GREB1L: variants seen among roughly 807,000 people sequenced by gnomAD.
The protein encoded by GREB1L is GREB1 like retinoic acid receptor coactivator.
Under a neutral mutation model 200.8 loss-of-function variants are expected in GREB1L, and 17 were observed. The observed-to-expected ratio is 0.08, with a 90% CI of 0.06 to 0.13. The LOEUF is 0.13. GREB1L is among the 10% of genes least tolerant of loss of function. GREB1L has a pLI of 1.00. For synonymous variants in GREB1L, 789 were observed against 893.0 expected, an observed-to-expected ratio of 0.88 and a Z score of 2.08; for missense variants, 1,657 against 2,367.7, an observed-to-expected ratio of 0.70 and a Z score of 6.23.
At chr18:21,517,885 G>T in intron 30 of GREB1L, 149 bp from the exon 31 acceptor site, 1 of 633,338 alleles carries the variant, frequency 1.6e-6, no homozygotes, top group Non-Finnish European at 2.7e-6. Flanking sequence ...AAATTTTCAG[G>T]ACCCTTTACT....
At position 21,318,086 on chromosome 18, in the gene GREB1L, C is replaced by A. The variant is rs189741832; in HGVS notation, c.-119-47941C>A. The stretch of plus-strand genomic sequence containing the variant: ...TCATGCCACTGCACTCCAGCCTGGG[C>A]AACAGAGTGAGATTCCGTCAAAAAA... On this transcript the variant is annotated intron_variant, in intron 1 of 32. Transcript: ENST00000424526. 1.9e-4 allele frequency among the ~76,000 whole-genome samples: 23 copies of A among 119,112 alleles called. 1 individual carries two copies. The East Asian group carries it at 5.6e-3, about 29-fold the overall frequency. The allele number at this position is 119,112 out of a possible 152,430, so 78.1% of individuals were successfully genotyped here. A position where few individuals can be genotyped will look rare whatever the true frequency, so the allele number is the denominator to read the frequency against.
At chr18:21,431,596 T>C (rs980209742) in intron 7 of GREB1L, among the ~76,000 whole-genome samples, 1 of 152,220 alleles carries the variant, frequency 6.6e-6, no homozygotes, top group African/African-American at 2.4e-5. Flanking sequence ...ATTCTGCTTT[T>C]GTTGGTGAAT....
intron 24 of GREB1L, 113 bp from the exon 25 acceptor site, chr18:21,505,697 C>T: frequency 7.2e-7 from 1 of 1,398,450 alleles, no homozygotes; most frequent in Non-Finnish European, 9.7e-7. Flanking sequence ...TTTCTTAGGG[C>T]ATAAATTACA....
intron 31 of GREB1L, among the ~76,000 whole-genome samples, 170 bp downstream of exon 31, chr18:21,518,404 C>G (rs2037498445): frequency 6.6e-6 from 1 of 152,212 alleles, no homozygotes; most frequent in African/African-American, 2.4e-5. Flanking sequence ...ACTTGTATTT[C>G]TACCCTTTTG....
At chr18:21,361,056 T>A (rs748386210) in intron 1 of GREB1L, among the ~76,000 whole-genome samples, 1 of 152,214 alleles carries the variant, frequency 6.6e-6, no homozygotes, top group Non-Finnish European at 1.5e-5. Context: ...GTCTGTGACC[T>A]ATGAAATCTC....
intron 1 of GREB1L, among the ~76,000 whole-genome samples, chr18:21,266,601 T>C (rs2037971777): frequency 6.6e-6 from 1 of 152,216 alleles, no homozygotes; most frequent in Non-Finnish European, 1.5e-5. Flanking sequence ...GTGCCTACTA[T>C]TTCTTTTAAA....
At chr18:21,379,606 G>C (rs1417210234) in intron 2 of GREB1L, among the ~76,000 whole-genome samples, 1 of 152,214 alleles carries the variant, frequency 6.6e-6, no homozygotes, top group East Asian at 1.9e-4. Flanking sequence ...GAAAAAGGCT[G>C]AAAGTTCACT....
At chr18:21,447,432 T>A (rs935598288) in intron 11 of GREB1L, among the ~76,000 whole-genome samples, 11 of 152,240 alleles carry the variant, frequency 7.2e-5, no homozygotes, top group African/African-American at 2.4e-4. Context: ...TGATTCCTAA[T>A]TGTACATCAG....
chr18:21,494,208 C>T (rs2036456104), intron 19 of GREB1L, among the ~76,000 whole-genome samples: 1 of 152,094 alleles, frequency 6.6e-6, no homozygotes, highest in African/African-American at 2.4e-5. Context: ...TTCTAAAACA[C>T]GGGAAGTCTG....
chr18:21,360,217 TTTA>T (rs925758357), intron 1 of GREB1L, among the ~76,000 whole-genome samples: 8 of 152,208 alleles, frequency 5.3e-5, no homozygotes, highest in East Asian at 1.9e-4. Flanking sequence ...TTGTTTTTGT[TTTA>T]TTATTATTAT....
chr18:21,516,534 C>T, intron 29 of GREB1L, 79 bp from the exon 30 acceptor site: 2 of 1,350,252 alleles, frequency 1.5e-6, no homozygotes, highest in Non-Finnish European at 2.0e-6. Flanking sequence ...TATCTTGCCA[C>T]ACATTTATTT....
intron 30 of GREB1L, 25 bp downstream of exon 30, chr18:21,516,779 G>C (rs2037433092): frequency 1.3e-6 from 2 of 1,543,800 alleles, no homozygotes; most frequent in South Asian, 1.2e-5. Flanking sequence ...CTTGATTCAA[G>C]TGCTGAAAAT....
chr18:21,508,090 T>A (rs1392599061), intron 25 of GREB1L, 28 bp from the exon 26 acceptor site: 2 of 1,548,430 alleles, frequency 1.3e-6, no homozygotes, highest in South Asian at 2.4e-5. Flanking sequence ...TTACTTACGT[T>A]CCCTCCCTTT....
At chr18:21,320,404 A>G (rs1304970121) in intron 1 of GREB1L, among the ~76,000 whole-genome samples, 3 of 152,202 alleles carry the variant, frequency 2.0e-5, no homozygotes, top group African/African-American at 7.2e-5. Context: ...ACAAGAGCTC[A>G]GGGACTATAT....
rs974342994 is a variant in GREB1L at position 21,524,413 on chromosome 18, A to G, written c.*1592A>G. ...TTAACCCCATTTTTAATTGTCCTTCAAAGAGGACCTGCCTTATATATGCTT... is the reference window on the plus strand; with the variant it reads ...TTAACCCCATTTTTAATTGTCCTTCGAAGAGGACCTGCCTTATATATGCTT... On this transcript the variant is annotated 3_prime_UTR_variant, in exon 33 of 33. Coordinates refer to ENST00000424526, the MANE Select transcript of GREB1L (RefSeq NM_001142966.3). 1.3e-5 allele frequency: 2 copies of G among 152,226 alleles called. No individual in the cohort carries two copies. The highest frequency in any genetic ancestry group is 4.1e-4 in the South Asian group (2 of 4,838). The allele number at this position is 152,226 out of a possible 1,614,324, so 9.4% of individuals were successfully genotyped here. A position where few individuals can be genotyped will look rare whatever the true frequency, so the allele number is the denominator to read the frequency against.
At chr18:21,397,114 A>AGC (rs2041098642) in intron 5 of GREB1L, among the ~76,000 whole-genome samples, 2 of 152,204 alleles carry the variant, frequency 1.3e-5, no homozygotes, top group Non-Finnish European at 2.9e-5. Context: ...GCTTTATAGA[A>AGC]GTTCCTTAAA....
intron 1 of GREB1L, among the ~76,000 whole-genome samples, chr18:21,272,100 T>C (rs375565130): frequency 3.3e-5 from 5 of 152,206 alleles, no homozygotes; most frequent in East Asian, 3.8e-4. Flanking sequence ...TTCATTAGGA[T>C]AAGCTAACTG....
At chr18:21,468,558 G>A (rs554497838) in intron 15 of GREB1L, among the ~76,000 whole-genome samples, 17 of 152,212 alleles carry the variant, frequency 1.1e-4, no homozygotes, top group Non-Finnish European at 1.8e-4. Context: ...AATCACAAAC[G>A]CTGTTAAAAA....
rs192454845 is a variant in GREB1L at position 21,270,054 on chromosome 18, C to T, written c.-120+27661C>T. On this transcript the variant is annotated intron_variant, in intron 1 of 32. Coordinates refer to ENST00000424526, the MANE Select transcript of GREB1L (RefSeq NM_001142966.3). Reference sequence around the variant, plus strand: ...CAGAGATAACTCCATTTCTAGTATACCCTTCCTGAGATAATTCTGTGTATG... The same window carrying T: ...CAGAGATAACTCCATTTCTAGTATATCCTTCCTGAGATAATTCTGTGTATG... 4.1e-4 allele frequency among the ~76,000 whole-genome samples: 63 copies of T among 152,322 alleles called. 2 individuals carry two copies. Among genetic ancestry groups the T allele is most frequent in the African/African-American group, 1.3e-3 (53 of 41,578 alleles).
Sources: allele counts gnomAD v4.1 joint callset (sites outside exome capture counted in the v4.1 genomes callset), GRCh38; gene constraint gnomAD v4.1.1; transcripts MANE v1.5; gene names NCBI Gene and HGNC (gene_info 2026-07-23, HGNC 2026-07-21).